Variants in GPD1L observed in about 807,000 individuals in gnomAD.
GPD1L encodes glycerol-3-phosphate dehydrogenase 1 like.
A neutral mutation model predicts 32.9 loss-of-function variants in GPD1L; 17 were observed. The ratio of observed to expected loss-of-function variants is 0.52; its 90% CI spans 0.35 to 0.78. The LOEUF (loss-of-function observed/expected upper bound fraction) is 0.78. Among genes scored for constraint, GPD1L ranks in the 30% least tolerant of loss-of-function variants. GPD1L has a pLI of 0.01. For missense variants in GPD1L, 361 were observed against 447.8 expected (o/e 0.81, Z 1.75); for synonymous variants, 187 against 165.9 (o/e 1.13, Z -0.98).
chr3:32,118,640 C>T (rs914164297), intron 1 of GPD1L, among the ~76,000 whole-genome samples: 2 of 151,972 alleles, frequency 1.3e-5, no homozygotes, highest in African/African-American at 2.4e-5. Flanking sequence ...TTTAAGCATA[C>T]GGTTTAGTAG....
At chr3:32,130,799 G>A (rs1056613233) in intron 2 of GPD1L, among the ~76,000 whole-genome samples, 2 of 152,072 alleles carry the variant, frequency 1.3e-5, no homozygotes. Context: ...GATCACTTGA[G>A]GTCAGGAGCT....
intron 5 of GPD1L, among the ~76,000 whole-genome samples, chr3:32,152,947 A>T (rs1700940363): frequency 6.6e-6 from 1 of 152,122 alleles, no homozygotes; most frequent in African/African-American, 2.4e-5. Context: ...TGGGTACACT[A>T]GGTGTGACCA....
chr3:32,128,738 C>T (rs1182133390), intron 2 of GPD1L, among the ~76,000 whole-genome samples: 4 of 152,162 alleles, frequency 2.6e-5, no homozygotes, highest in African/African-American at 9.7e-5. Flanking sequence ...GAGGTACAGC[C>T]CATAACAGGT....
chr3:32,131,262 C>T (rs2125480732), intron 2 of GPD1L, among the ~76,000 whole-genome samples: 1 of 152,280 alleles, frequency 6.6e-6, no homozygotes, highest in East Asian at 1.9e-4. Context: ...AAAACTGCTT[C>T]ACTGAGATAT....
intron 2 of GPD1L, among the ~76,000 whole-genome samples, chr3:32,137,761 A>G (rs954734779): frequency 5.9e-5 from 9 of 152,256 alleles, no homozygotes; most frequent in African/African-American, 2.2e-4. Context: ...TTAAGGAAAG[A>G]AATCGTCATA....
chr3:32,140,515 T>C, intron 4 of GPD1L, 149 bp downstream of exon 4: 1 of 868,286 alleles, frequency 1.2e-6, no homozygotes, highest in South Asian at 1.5e-5. Flanking sequence ...AGGGTTTTAC[T>C]TAAGGAGGCT....
intron 5 of GPD1L, among the ~76,000 whole-genome samples, chr3:32,155,802 C>T (rs1700980624): frequency 6.6e-6 from 1 of 152,196 alleles, no homozygotes; most frequent in Non-Finnish European, 1.5e-5. Context: ...AAAGTCTTGT[C>T]CAAGCCCTGA....
chr3:32,138,774 A>T, intron 3 of GPD1L, 47 bp downstream of exon 3: 1 of 1,592,212 alleles, frequency 6.3e-7, no homozygotes, highest in Non-Finnish European at 8.6e-7. Flanking sequence ...GTTATCAGGA[A>T]ATTTCATTTC....
At chr3:32,117,358 A>T (rs1344349987) in intron 1 of GPD1L, among the ~76,000 whole-genome samples, 1 of 152,236 alleles carries the variant, frequency 6.6e-6, no homozygotes, top group Admixed American at 6.5e-5. Flanking sequence ...TGTAATAAGC[A>T]AGTATGAGGA....
rs754593595 is a variant in GPD1L at position 32,165,794 on chromosome 3, T to C, written c.960-20T>C. The C allele has an allele frequency of 2.9e-6, 4 of 1,399,042 alleles. No homozygotes were observed. The highest frequency in any genetic ancestry group is 1.0e-6 in the Non-Finnish European group (1 of 984,188). 86.7% of individuals were successfully genotyped at this position (1,399,042 alleles called of 1,614,324 possible). On this transcript the variant is annotated intron_variant, in intron 7 of 7. Coordinates refer to ENST00000282541, the MANE Select transcript of GPD1L (RefSeq NM_015141.4). ...AATCCAGTGGCCTAACTTTGTCTTT[T>C]CACATTTCCTCCCAACTAGGTTTCC...
intron 2 of GPD1L, among the ~76,000 whole-genome samples, chr3:32,134,374 A>T (rs763858825): frequency 6.6e-6 from 1 of 152,206 alleles, no homozygotes; most frequent in Admixed American, 6.5e-5. Flanking sequence ...CCCCAACCAC[A>T]TTGTCCTAGA....
chr3:32,123,843 C>CAGATAGATAGAT (rs1553657836), intron 1 of GPD1L, among the ~76,000 whole-genome samples: 1 of 79,840 alleles, frequency 1.3e-5, no homozygotes, highest in African/African-American at 3.8e-5. Flanking sequence ...GATAGATAGA[C>CAGATAGATAGAT]AGACAGATAA....
chr3:32,158,985 T>C lies in GPD1L; in HGVS notation c.728T>C (p.Ile243Thr). The C allele has an allele frequency of 1.2e-6, 2 of 1,614,084 alleles. No individual in the cohort carries two copies. Among genetic ancestry groups the C allele is most frequent in the Non-Finnish European group, 1.7e-6 (2 of 1,180,032 alleles). The stretch of plus-strand genomic sequence containing the variant: ...ATGGAAATGATTGCTTTTGCCAGGA[T>C]CTTCTGCAAAGGCCAAGTGTCTACA... ...GLMEMIAFAR[I>T]FCKGQVSTAT... is the part of the protein sequence containing the mutation. The change falls in exon 6 of 8, where the codon ATC (isoleucine) becomes ACC (threonine). Residue 243 changes from isoleucine (I) to threonine (T), a missense_variant. Physicochemically the swap from Ile to Thr is moderately conservative, Grantham distance 89. Coordinates refer to ENST00000282541, the MANE Select transcript of GPD1L (RefSeq NM_015141.4).
intron 2 of GPD1L, among the ~76,000 whole-genome samples, chr3:32,133,137 G>A (rs552583730): frequency 6.6e-6 from 1 of 152,158 alleles, no homozygotes; most frequent in Admixed American, 6.5e-5. Context: ...CCGGTTAGCT[G>A]ACTGGCATTA....
At chr3:32,116,380 C>G (rs1338590115) in intron 1 of GPD1L, among the ~76,000 whole-genome samples, 5 of 152,186 alleles carry the variant, frequency 3.3e-5, no homozygotes, top group Non-Finnish European at 5.9e-5. Context: ...TTTTAAACAA[C>G]AAATCTTATG....
Position 32,161,736 on chromosome 3 carries a change from C to T in GPD1L, c.959+2062C>T, listed in dbSNP as rs1421209535. 2.0e-5 allele frequency among the ~76,000 whole-genome samples: 3 copies of T among 152,202 alleles called. No individual in the cohort carries two copies. In the South Asian group the frequency reaches 6.2e-4, roughly 32 times the overall value. On this transcript the variant is annotated intron_variant, in intron 7 of 7. Transcript: ENST00000282541. ...GTAATCAAGCAGGTAAATCTCTGCT[C>T]TGAGCAGACATCTCTCCTTGGTCAT...
rs942477734 is a variant in GPD1L at position 32,120,091 on chromosome 3, G to A, written c.48-7985G>A. Among the ~76,000 whole-genome samples the A allele has an allele frequency of 6.6e-5, 10 of 152,088 alleles. No homozygotes were observed. The East Asian group carries it at 7.7e-4, about 12-fold the overall frequency. Reference sequence around the variant, plus strand: ...TGTAATCCCAGCACTTTGGGAGGCCGAGGCAGGCGGATCACAAAGAGATCA... The same window carrying A: ...TGTAATCCCAGCACTTTGGGAGGCCAAGGCAGGCGGATCACAAAGAGATCA... On this transcript the variant is annotated intron_variant, in intron 1 of 7. Coordinates refer to ENST00000282541, the MANE Select transcript of GPD1L (RefSeq NM_015141.4).
intron 7 of GPD1L, among the ~76,000 whole-genome samples, chr3:32,161,189 G>T (rs766916174): frequency 9.2e-5 from 14 of 152,098 alleles, no homozygotes; most frequent in Non-Finnish European, 1.2e-4. Context: ...CTTTTACCCA[G>T]AACAAATTAA....
Position 32,153,508 on chromosome 3 carries a change from C to T in GPD1L, c.619-5368C>T, listed in dbSNP as rs536627096. 5.9e-5 allele frequency among the ~76,000 whole-genome samples: 9 copies of T among 152,286 alleles called. No individual in the cohort carries two copies. In the South Asian group the frequency reaches 1.5e-3, roughly 25 times the overall value. On this transcript the variant is annotated intron_variant, in intron 5 of 7. Coordinates refer to ENST00000282541, the MANE Select transcript of GPD1L (RefSeq NM_015141.4). Reference sequence around the variant, plus strand: ...TAAGGCAGCTTCATATTGGTGCGACCGACTAGGTGGGCCAAGTGTGGGCCT... The same window carrying T: ...TAAGGCAGCTTCATATTGGTGCGACTGACTAGGTGGGCCAAGTGTGGGCCT...
Sources: allele counts gnomAD v4.1 joint callset (sites outside exome capture counted in the v4.1 genomes callset), GRCh38; gene constraint gnomAD v4.1.1; transcripts MANE v1.5; gene names NCBI Gene and HGNC (gene_info 2026-07-23, HGNC 2026-07-21).